MID1: variants seen among roughly 807,000 people sequenced by gnomAD.
MID1 encodes the protein midline 1.
MID1 carries 7 observed loss-of-function variants against 40.4 expected under a neutral mutation model. The observed-to-expected ratio is 0.17, with a 90% CI of 0.10 to 0.33. The LOEUF (loss-of-function observed/expected upper bound fraction) is 0.33, where lower values mean the gene tolerates loss of function less well. MID1 is among the 10% of genes least tolerant of loss of function. The probability of loss-of-function intolerance (pLI) is 1.00; values close to 1 mark genes in which losing one functional copy is unlikely to be tolerated. For synonymous variants in MID1, 229 were observed against 221.2 expected, an observed-to-expected ratio of 1.04 and a Z score of -0.31; for missense variants, 367 against 558.5, an observed-to-expected ratio of 0.66 and a Z score of 3.46.
chrX:10,809,616 A>T (rs1395054691), intron 1 of MID1, among the ~76,000 whole-genome samples: 1 of 111,484 alleles, frequency 9.0e-6, no homozygotes, highest in Non-Finnish European at 1.9e-5. Flanking sequence ...GGATGAGTTC[A>T]TGTCCTTTGT....
At chrX:10,537,995 A>C (rs1259590164) in intron 2 of MID1, among the ~76,000 whole-genome samples, 2 of 111,403 alleles carry the variant, frequency 1.8e-5, no homozygotes, top group African/African-American at 6.5e-5. Context: ...TTATTGAGAC[A>C]GTGTCTCACT....
chrX:10,693,092 C>A (rs1350444696), intron 1 of MID1, among the ~76,000 whole-genome samples: 1 of 111,387 alleles, frequency 9.0e-6, no homozygotes, highest in Non-Finnish European at 1.9e-5. Flanking sequence ...TCTATGATGC[C>A]CCCTCTGATC....
rs141806089 is a variant in MID1 at position 10,599,489 on chromosome X, T to A, written c.-57+20801A>T. Among the ~76,000 whole-genome samples, 97 of 112,292 alleles carry A rather than the reference T, an allele frequency of 8.6e-4. 1 individual carries two copies. Among genetic ancestry groups the A allele is most frequent in the African/African-American group, 2.9e-3 (90 of 30,893 alleles). On this transcript the variant is annotated intron_variant, in intron 1 of 9. Coordinates refer to ENST00000317552, the MANE Select transcript of MID1 (RefSeq NM_000381.4). ...TTTTCTATAGGGGAAACAGAAACAG[T>A]GATGATATGCCATGATCATATGCTA...
chrX:10,736,121 G>A (rs755844292), intron 1 of MID1, among the ~76,000 whole-genome samples: 7 of 111,492 alleles, frequency 6.3e-5, no homozygotes, highest in African/African-American at 2.3e-4. Flanking sequence ...TGGGACTACC[G>A]GCGCCTGCCA....
intron 1 of MID1, among the ~76,000 whole-genome samples, chrX:10,697,301 A>T (rs2043168303): frequency 8.9e-6 from 1 of 111,821 alleles, no homozygotes; most frequent in South Asian, 3.8e-4. Flanking sequence ...TCCGTCCAAG[A>T]ATCAACATTG....
chrX:10,704,745 C>T (rs979659778), intron 1 of MID1, among the ~76,000 whole-genome samples: 9 of 93,851 alleles, frequency 9.6e-5, no homozygotes, highest in East Asian at 6.3e-4. Flanking sequence ...TATATACACA[C>T]ACACACACAC....
chrX:10,672,471 A>G (rs1026207682), intron 1 of MID1, among the ~76,000 whole-genome samples: 1 of 110,791 alleles, frequency 9.0e-6, no homozygotes, highest in African/African-American at 3.3e-5. Context: ...ACAGGTCCTT[A>G]TAGTGGAAAG....
intron 1 of MID1, among the ~76,000 whole-genome samples, chrX:10,702,745 G>C (rs2043200286): frequency 8.9e-6 from 1 of 112,296 alleles, no homozygotes; most frequent in Non-Finnish European, 1.9e-5. Flanking sequence ...CTAAATGTTT[G>C]TGTCTTCCCC....
intron 2 of MID1, among the ~76,000 whole-genome samples, chrX:10,536,651 G>A (rs189054284): frequency 9.8e-4 from 110 of 112,487 alleles, no homozygotes; most frequent in African/African-American, 3.4e-3. Flanking sequence ...CTTTTCTGTA[G>A]AATCTAGAAG....
At chrX:10,780,698 T>C (rs2043839419) in intron 1 of MID1, among the ~76,000 whole-genome samples, 2 of 111,874 alleles carry the variant, frequency 1.8e-5, no homozygotes, top group Non-Finnish European at 3.8e-5. Flanking sequence ...ATTTCTGAGT[T>C]CCTTTACACC....
At chrX:10,755,666 G>C (rs766791556) in intron 1 of MID1, among the ~76,000 whole-genome samples, 4 of 111,849 alleles carry the variant, frequency 3.6e-5, no homozygotes, top group Non-Finnish European at 3.8e-5. Flanking sequence ...AATGTGGAGC[G>C]AGCCAACCTA....
At chrX:10,451,114 G>C (rs1459923824) in intron 9 of MID1, among the ~76,000 whole-genome samples, 2 of 111,746 alleles carry the variant, frequency 1.8e-5, no homozygotes, top group Non-Finnish European at 3.8e-5. Flanking sequence ...AAGAAGGATG[G>C]AATTGATAAT....
In MID1 at chrX:10,470,814, A is replaced by G. The variant is rs1248794529; in HGVS notation, c.1142-974T>C. ...TGAATTGATTTCAGTAACTGGTTTTATGAGAAGAGTATGTGAGCAAGGAAA... is the reference window on the plus strand; with the variant it reads ...TGAATTGATTTCAGTAACTGGTTTTGTGAGAAGAGTATGTGAGCAAGGAAA... On this transcript the variant is annotated intron_variant, in intron 6 of 9. Coordinates refer to ENST00000317552, the MANE Select transcript of MID1 (RefSeq NM_000381.4). Among the ~76,000 whole-genome samples the G allele has an allele frequency of 6.2e-5, 7 of 112,384 alleles. 1 individual carries two copies. Among genetic ancestry groups the G allele is most frequent in the African/African-American group, 1.9e-4 (6 of 30,909 alleles).
At chrX:10,532,932 A>G (rs1933031954) in intron 2 of MID1, among the ~76,000 whole-genome samples, 1 of 109,264 alleles carries the variant, frequency 9.2e-6, no homozygotes, top group African/African-American at 3.3e-5. Flanking sequence ...CACCATGCCC[A>G]GCTAATTTTC....
chrX:10,638,517 C>A (rs1936148844), intron 1 of MID1, among the ~76,000 whole-genome samples: 2 of 112,258 alleles, frequency 1.8e-5, no homozygotes, highest in Admixed American at 9.4e-5. Context: ...GAAGCTCAAA[C>A]TGGGTGGAGC....
intron 2 of MID1, among the ~76,000 whole-genome samples, chrX:10,544,082 C>A (rs370856668): frequency 2.9e-4 from 32 of 112,027 alleles, no homozygotes; most frequent in African/African-American, 9.4e-4. Context: ...AGCGCTGGAA[C>A]TCCAAACCAG....
At chrX:10,696,884 C>A (rs1368228696) in intron 1 of MID1, among the ~76,000 whole-genome samples, 2 of 112,018 alleles carry the variant, frequency 1.8e-5, no homozygotes, top group Admixed American at 1.9e-4. Context: ...ACAATTTTCA[C>A]CCAACTATAT....
intron 2 of MID1, among the ~76,000 whole-genome samples, chrX:10,535,988 G>C (rs1263717672): frequency 9.0e-6 from 1 of 110,987 alleles, no homozygotes; most frequent in Non-Finnish European, 1.9e-5. Context: ...GGGAGGCCAA[G>C]GCTGGAGGAT....
intron 2 of MID1, among the ~76,000 whole-genome samples, chrX:10,531,706 T>C (rs1932978433): frequency 8.9e-6 from 1 of 112,371 alleles, no homozygotes; most frequent in African/African-American, 3.2e-5. Flanking sequence ...TAGAAGAGCT[T>C]TTATTTTAAT....
Sources: gnomAD v4.1 joint callset for allele counts (sites outside exome capture counted in the v4.1 genomes callset) on GRCh38, gnomAD v4.1.1 for gene constraint, MANE v1.5 for transcripts, NCBI Gene and HGNC (gene_info 2026-07-23, HGNC 2026-07-21) for gene names.